PTPN14: variants seen among roughly 807,000 people sequenced by gnomAD.
The protein encoded by PTPN14 is tyrosine-protein phosphatase non-receptor type 14.
In PTPN14, 53 loss-of-function variants were observed where a neutral mutation model predicts 126.8. The observed-to-expected ratio is 0.42, with a 90% CI of 0.34 to 0.53. The LOEUF is 0.53. Ranked by LOEUF, PTPN14 falls within the 20% of genes least tolerant of loss-of-function variation. PTPN14 has a pLI of 0.08. For synonymous variants in PTPN14, 630 were observed against 599.3 expected, an observed-to-expected ratio of 1.05 and a Z score of -0.75; for missense variants, 1,257 against 1,552.9, an observed-to-expected ratio of 0.81 and a Z score of 3.20.
At chr1:214,502,263 G>A (rs374987470) in intron 1 of PTPN14, among the ~76,000 whole-genome samples, 18 of 151,928 alleles carry the variant, frequency 1.2e-4, no homozygotes, top group African/African-American at 4.1e-4. Context: ...TACTGATGGC[G>A]GTAGGGTCAT....
intron 7 of PTPN14, among the ~76,000 whole-genome samples, chr1:214,400,255 C>A (rs578157887): frequency 1.3e-5 from 2 of 152,336 alleles, no homozygotes; most frequent in South Asian, 2.1e-4. Context: ...ATTACCACCC[C>A]CCACTGGTAC....
At chr1:214,367,743 G>A (rs895397228) in intron 17 of PTPN14, among the ~76,000 whole-genome samples, 4 of 152,090 alleles carry the variant, frequency 2.6e-5, no homozygotes, top group African/African-American at 9.7e-5. Flanking sequence ...AAAGCAAGAG[G>A]GAGAGCTGCA....
At chr1:214,491,002 A>AAAGAAAGG (rs200185061) in intron 1 of PTPN14, among the ~76,000 whole-genome samples, 2 of 142,896 alleles carry the variant, frequency 1.4e-5, no homozygotes, top group Admixed American at 7.3e-5. Context: ...GAAGGAAAGG[A>AAAGAAAGG]AAGAAAGGAA....
chr1:214,489,697 C>T (rs759125223), intron 1 of PTPN14, among the ~76,000 whole-genome samples: 1 of 152,196 alleles, frequency 6.6e-6, no homozygotes, highest in Non-Finnish European at 1.5e-5. Context: ...TTCAACTCTG[C>T]AGCTCCAGAG....
At chr1:214,490,744 G>T (rs1661211026) in intron 1 of PTPN14, among the ~76,000 whole-genome samples, 1 of 149,962 alleles carries the variant, frequency 6.7e-6, no homozygotes, top group South Asian at 2.1e-4. Context: ...GGCTACAGCA[G>T]AAGAATCACT....
At chr1:214,404,954 A>C (rs921556091) in intron 5 of PTPN14, among the ~76,000 whole-genome samples, 2 of 152,210 alleles carry the variant, frequency 1.3e-5, no homozygotes, top group African/African-American at 2.4e-5. Flanking sequence ...CCTACTCAGC[A>C]AGGTCAACAC....
At chr1:214,358,258 T>C (rs1657871321) in intron 18 of PTPN14, among the ~76,000 whole-genome samples, 1 of 152,096 alleles carries the variant, frequency 6.6e-6, no homozygotes, top group African/African-American at 2.4e-5. Context: ...TGGTGGGATA[T>C]TTTATTTTTA....
chr1:214,533,171 C>A lies in PTPN14; in HGVS notation c.-155+18012G>T, dbSNP rs1021163946. On this transcript the variant is annotated intron_variant, in intron 1 of 18. Coordinates refer to ENST00000366956, the MANE Select transcript of PTPN14 (RefSeq NM_005401.5). Reference sequence around the variant, plus strand: ...CTGAGGGAGGTGGAGGTCCGCTACACCCTGCAGATGGAGCAGCTCAACGAG... The same window carrying A: ...CTGAGGGAGGTGGAGGTCCGCTACAACCTGCAGATGGAGCAGCTCAACGAG... 40 of 758,950 alleles carry A rather than the reference C, an allele frequency of 5.3e-5. No homozygotes were observed. The African/African-American group carries it at 6.7e-4, about 13-fold the overall frequency. 47.0% of individuals were successfully genotyped at this position (758,950 alleles called of 1,614,324 possible). A position where few individuals can be genotyped will look rare whatever the true frequency, so the allele number is the denominator to read the frequency against.
chr1:214,473,615 G>A (rs902545169), intron 1 of PTPN14, among the ~76,000 whole-genome samples: 3 of 152,148 alleles, frequency 2.0e-5, no homozygotes, highest in African/African-American at 4.8e-5. Flanking sequence ...GAGGGTGTAA[G>A]AAAGGAAAAA....
chr1:214,454,524 CATGT>C (rs1660339358), intron 2 of PTPN14, among the ~76,000 whole-genome samples: 3 of 152,090 alleles, frequency 2.0e-5, no homozygotes, highest in Non-Finnish European at 4.4e-5. Context: ...TACACACGAA[CATGT>C]ATGTGCACAC....
At chr1:214,431,785 A>G (rs1287815222) in intron 3 of PTPN14, among the ~76,000 whole-genome samples, 1 of 152,210 alleles carries the variant, frequency 6.6e-6, no homozygotes, top group African/African-American at 2.4e-5. Flanking sequence ...TACTAACTCA[A>G]AAAGTTGTTA....
chr1:214,491,368 C>T (rs150962286), intron 1 of PTPN14, among the ~76,000 whole-genome samples: 17 of 152,170 alleles, frequency 1.1e-4, no homozygotes, highest in Non-Finnish European at 1.6e-4. Flanking sequence ...ATTCACTGGT[C>T]GATAAAGCAG....
intron 2 of PTPN14, among the ~76,000 whole-genome samples, chr1:214,459,472 C>CTT (rs1553268612): frequency 0.017 from 1,876 of 108,596 alleles, 54 homozygotes; most frequent in African/African-American, 0.05. Context: ...TCTTTTCTTT[C>CTT]TTTTTTTTTT....
At chr1:214,486,494 T>TA (rs1335109253) in intron 1 of PTPN14, among the ~76,000 whole-genome samples, 1 of 152,228 alleles carries the variant, frequency 6.6e-6, no homozygotes, top group African/African-American at 2.4e-5. Context: ...AAATATAACT[T>TA]ACAGCTCACC....
chr1:214,517,501 A>AAAC (rs1553274793), intron 1 of PTPN14, among the ~76,000 whole-genome samples: 1 of 151,646 alleles, frequency 6.6e-6, no homozygotes, highest in African/African-American at 2.4e-5. Flanking sequence ...AAAAAAAAAA[A>AAAC]CATAAAGTAA....
At chr1:214,376,198 C>T (rs763295339) in intron 15 of PTPN14, 21 bp downstream of exon 15, 1 of 1,602,098 alleles carries the variant, frequency 6.2e-7, no homozygotes, top group African/African-American at 1.3e-5. Context: ...ACCAAACCTT[C>T]TAACAGGCTT....
intron 1 of PTPN14, among the ~76,000 whole-genome samples, chr1:214,524,253 A>G (rs1392569872): frequency 1.3e-5 from 2 of 152,134 alleles, no homozygotes; most frequent in Non-Finnish European, 2.9e-5. Flanking sequence ...CGATTTTCTT[A>G]TAAGAAAATC....
chr1:214,367,758 C>T (rs1255382625), intron 17 of PTPN14, among the ~76,000 whole-genome samples: 2 of 152,164 alleles, frequency 1.3e-5, no homozygotes, highest in African/African-American at 4.8e-5. Context: ...GCTGCAGCCA[C>T]CGCTGAAAAG....
intron 3 of PTPN14, among the ~76,000 whole-genome samples, chr1:214,419,225 G>T (rs1367121696): frequency 6.6e-6 from 1 of 152,106 alleles, no homozygotes; most frequent in East Asian, 1.9e-4. Context: ...TGAAAAACAG[G>T]TTAGTGAAAG....
Sources: gnomAD v4.1 joint callset for allele counts (sites outside exome capture counted in the v4.1 genomes callset) on GRCh38, gnomAD v4.1.1 for gene constraint, MANE v1.5 for transcripts, NCBI Gene and HGNC (gene_info 2026-07-23, HGNC 2026-07-21) for gene names.